PAK5: variants seen among roughly 807,000 people sequenced by gnomAD.
PAK5 encodes the protein serine/threonine-protein kinase PAK 5.
In PAK5, 16 loss-of-function variants were observed where a neutral mutation model predicts 65.9. The ratio of observed to expected loss-of-function variants is 0.24; its 90% CI spans 0.16 to 0.37. The LOEUF is 0.37. PAK5 is among the 10% of genes least tolerant of loss of function. PAK5 has a pLI of 1.00. For synonymous variants in PAK5, 371 were observed against 354.9 expected (o/e 1.05, Z -0.51); for missense variants, 785 against 903.9 (o/e 0.87, Z 1.69).
intron 1 of PAK5, among the ~76,000 whole-genome samples, chr20:9,712,773 C>T (rs939119985): frequency 6.6e-6 from 1 of 152,138 alleles, no homozygotes; most frequent in Non-Finnish European, 1.5e-5. Context: ...GAGGAAAGGA[C>T]AGTCTGTTTA....
intron 4 of PAK5, among the ~76,000 whole-genome samples, chr20:9,576,780 A>C (rs2045892197): frequency 1.3e-5 from 2 of 152,206 alleles, no homozygotes; most frequent in African/African-American, 4.8e-5. Context: ...TGAGCATACT[A>C]AGCCTCTTAA....
Position 9,753,145 on chromosome 20 carries a change from TC to T in PAK5, c.-161-41711del, listed in dbSNP as rs112361077. Reference sequence around the variant, plus strand: ...TAGCTCAGCCTAGATGCACAATAATTCCCCAGACGACCTGGAGACCAATAAG... The same window carrying T: ...TAGCTCAGCCTAGATGCACAATAATTCCCAGACGACCTGGAGACCAATAAG... On this transcript the variant is annotated intron_variant, in intron 1 of 9. Coordinates refer to ENST00000353224, the MANE Select transcript of PAK5 (RefSeq NM_177990.4). Among the ~76,000 whole-genome samples, 612 of 152,118 alleles carry T rather than the reference TC, an allele frequency of 4.0e-3. 2 individuals carry two copies. The highest frequency in any genetic ancestry group is 0.014 in the African/African-American group (579 of 41,506).
chr20:9,648,345 C>A (rs557182515), intron 2 of PAK5, among the ~76,000 whole-genome samples: 56 of 152,276 alleles, frequency 3.7e-4, no homozygotes, highest in Non-Finnish European at 6.8e-4. Context: ...ATGTAAAAAG[C>A]CATCTACTGG....
intron 2 of PAK5, among the ~76,000 whole-genome samples, chr20:9,669,724 T>C (rs1397997873): frequency 6.6e-6 from 1 of 152,106 alleles, no homozygotes; most frequent in Non-Finnish European, 1.5e-5. Flanking sequence ...TAAGTTATTA[T>C]AAAGGTACAC....
chr20:9,683,174 C>T (rs76033419), intron 2 of PAK5, among the ~76,000 whole-genome samples: 3,785 of 152,284 alleles, frequency 0.025, 98 homozygotes, highest in African/African-American at 0.065. Context: ...TTTCTATTTA[C>T]CCAAAAATAT....
intron 1 of PAK5, among the ~76,000 whole-genome samples, chr20:9,805,486 G>A (rs1294777488): frequency 6.6e-6 from 1 of 152,146 alleles, no homozygotes; most frequent in Non-Finnish European, 1.5e-5. Context: ...GTTCATCAAT[G>A]ATGAATGGAT....
chr20:9,719,872 T>C (rs1353648061), intron 1 of PAK5, among the ~76,000 whole-genome samples: 1 of 152,236 alleles, frequency 6.6e-6, no homozygotes, highest in South Asian at 2.1e-4. Flanking sequence ...TGTAAGGTAC[T>C]ACACAACATT....
intron 3 of PAK5, among the ~76,000 whole-genome samples, chr20:9,613,756 C>T (rs2046607121): frequency 6.6e-6 from 1 of 152,170 alleles, no homozygotes; most frequent in Non-Finnish European, 1.5e-5. Flanking sequence ...CCTGTCCTAG[C>T]TCAGGGAAAA....
intron 4 of PAK5, among the ~76,000 whole-genome samples, chr20:9,576,029 C>T (rs2045880048): frequency 2.0e-5 from 3 of 152,186 alleles, no homozygotes; most frequent in South Asian, 4.1e-4. Context: ...TAGCACAGTG[C>T]TTGGAACACA....
chr20:9,569,974 C>T (rs182952115), intron 4 of PAK5, among the ~76,000 whole-genome samples: 15 of 149,236 alleles, frequency 1.0e-4, no homozygotes, highest in Admixed American at 8.6e-4. Context: ...ATGCTTTTGA[C>T]GGGCATAGGA....
At chr20:9,806,970 T>TC (rs1408903789) in intron 1 of PAK5, among the ~76,000 whole-genome samples, 1 of 152,062 alleles carries the variant, frequency 6.6e-6, no homozygotes, top group Admixed American at 6.6e-5. Flanking sequence ...GCCTCTACAG[T>TC]CTACCCACAT....
At chr20:9,716,953 T>A (rs566611706) in intron 1 of PAK5, among the ~76,000 whole-genome samples, 189 of 151,960 alleles carry the variant, frequency 1.2e-3, no homozygotes, top group Admixed American at 2.0e-3. Flanking sequence ...GGTGTGGTGG[T>A]GCAGGCCTGT....
chr20:9,763,739 G>T (rs530650761), intron 1 of PAK5, among the ~76,000 whole-genome samples: 2 of 152,068 alleles, frequency 1.3e-5, no homozygotes, highest in East Asian at 1.9e-4. Context: ...CTGAAGAAAA[G>T]TTGCAAGAGT....
In PAK5 at chr20:9,580,686, C is replaced by T. The variant is rs2123017883; in HGVS notation, c.449G>A (p.Ser150Asn). 6.2e-7 allele frequency: 1 copy of T among 1,614,090 alleles called. No individual in the cohort carries two copies. Among genetic ancestry groups the T allele is most frequent in the Non-Finnish European group, 8.5e-7 (1 of 1,180,028 alleles). The change falls in exon 4 of 10, where the codon AGT (serine) becomes AAT (asparagine). Residue 150 changes from serine (S) to asparagine (N), a missense_variant. By Grantham distance (46) the Ser-to-Asn change is conservative. This residue lies in a region of PAK5 where 422 missense variants were observed against 413.3 expected (regional missense o/e 1.02). Transcript: ENST00000353224. ...CGGATCCAGATCATCTCCATAGAGA[C>T]TCTTCTCCCTGTACTTTTCGGTCGT... ...DYTTEKYREK[S>N]LYGDDLDPYY...
chr20:9,835,311 A>G (rs373999912), intron 1 of PAK5, among the ~76,000 whole-genome samples: 29 of 152,354 alleles, frequency 1.9e-4, no homozygotes, highest in African/African-American at 7.0e-4. Context: ...TGAAAGGATG[A>G]TGAGAGAGTT....
intron 2 of PAK5, among the ~76,000 whole-genome samples, chr20:9,690,580 G>C (rs1445069661): frequency 6.6e-6 from 1 of 151,850 alleles, no homozygotes; most frequent in African/African-American, 2.4e-5. Flanking sequence ...ACCTTCTCTG[G>C]AGAGAAGGTA....
At chr20:9,562,805 T>A (rs572122797) in intron 6 of PAK5, 86 bp downstream of exon 6, 11 of 1,274,154 alleles carry the variant, frequency 8.6e-6, no homozygotes, top group Non-Finnish European at 1.2e-5. Flanking sequence ...GTGCCTGCAA[T>A]TTATGAAGAG....
At chr20:9,668,235 C>A (rs539518438) in intron 2 of PAK5, among the ~76,000 whole-genome samples, 1 of 152,216 alleles carries the variant, frequency 6.6e-6, no homozygotes, top group South Asian at 2.1e-4. Context: ...TAAATCCAAC[C>A]AAAGTGGTAA....
chr20:9,807,327 C>A (rs912186151), intron 1 of PAK5, among the ~76,000 whole-genome samples: 5 of 152,146 alleles, frequency 3.3e-5, no homozygotes, highest in Non-Finnish European at 7.3e-5. Flanking sequence ...TTTGTCATCT[C>A]CCTTTTAACA....
Sources: gnomAD v4.1 joint callset for allele counts (sites outside exome capture counted in the v4.1 genomes callset) on GRCh38, gnomAD v4.1.1 for gene constraint, gnomAD v4.1.1 regional missense constraint, MANE v1.5 for transcripts, NCBI Gene and HGNC (gene_info 2026-07-23, HGNC 2026-07-21) for gene names.